The following ADAM18 variants were observed in gnomAD, a reference collection of about 807,000 sequenced individuals.
The protein encoded by ADAM18 is disintegrin and metalloproteinase domain-containing protein 18.
Under a neutral mutation model 94.4 loss-of-function variants are expected in ADAM18, and 117 were observed. The observed-to-expected ratio is 1.24, with a 90% confidence interval of 1.07 to 1.45. The LOEUF (loss-of-function observed/expected upper bound fraction) is 1.45, where lower values mean the gene tolerates loss of function less well. Among genes scored for constraint, ADAM18 ranks in the 40% most tolerant of loss-of-function variants. ADAM18 has a pLI of 0.00. For synonymous variants in ADAM18, 327 were observed against 291.6 expected (o/e 1.12, Z -1.24); for missense variants, 936 against 880.0 (o/e 1.06, Z -0.81).
Position 39,673,866 on chromosome 8 carries a change from T to C in ADAM18, c.1526-3565T>C, listed in dbSNP as rs1821224935. On this transcript the variant is annotated intron_variant, in intron 14 of 19. Transcript: ENST00000265707. ...TCAAAGAACATCTTTATTTCTGCCT[T>C]CATTTTGTTATTTACCCAGTAGTCA... Among the ~76,000 whole-genome samples, 4 of 152,336 alleles carry C rather than the reference T, an allele frequency of 2.6e-5. No individual in the cohort carries two copies. The South Asian group carries it at 8.3e-4, about 32-fold the overall frequency.
At chr8:39,622,139 CTTTTAT>C (rs1819633141) in intron 6 of ADAM18, among the ~76,000 whole-genome samples, 1 of 151,828 alleles carries the variant, frequency 6.6e-6, no homozygotes, top group African/African-American at 2.4e-5. Flanking sequence ...TAATTTCCAA[CTTTTAT>C]TTTTAACTAC....
rs1214707726 is a variant in ADAM18 at position 39,654,049 on chromosome 8, A to T, written c.1230+5522A>T. ...AGATCCACTTTATATGCTTCCACAC[A>T]TGATTGAGAACATGTGATATTTGCC... On this transcript the variant is annotated intron_variant, in intron 12 of 19. Coordinates refer to ENST00000265707, the MANE Select transcript of ADAM18 (RefSeq NM_014237.3). Among the ~76,000 whole-genome samples the T allele has an allele frequency of 4.0e-5, 6 of 150,102 alleles. No homozygotes were observed. In the South Asian group the frequency reaches 1.2e-3, roughly 31 times the overall value.
rs544054266 is a variant in ADAM18, at chr8:39,637,443, C to A, written c.661-94C>A. Reference sequence around the variant, plus strand: ...TTAAATACTTTTTATTAGTTTAATACTGAAAATACTGGAACATGTTGTTTA... The same window carrying A: ...TTAAATACTTTTTATTAGTTTAATAATGAAAATACTGGAACATGTTGTTTA... On this transcript the variant is annotated intron_variant, in intron 8 of 19. Transcript: ENST00000265707. The A allele has an allele frequency of 2.0e-5, 28 of 1,393,822 alleles. 1 individual carries two copies. The South Asian group carries it at 3.8e-4, about 19-fold the overall frequency. The allele number at this position is 1,393,822 out of a possible 1,614,324, so 86.3% of individuals were successfully genotyped here. A position where few individuals can be genotyped will look rare whatever the true frequency, so the allele number is the denominator to read the frequency against.
At chr8:39,695,917 A>G (rs1267856485) in intron 17 of ADAM18, among the ~76,000 whole-genome samples, 1 of 151,400 alleles carries the variant, frequency 6.6e-6, no homozygotes, top group African/African-American at 2.4e-5. Context: ...CATTTCAATT[A>G]TTCTGGGTAT....
At position 39,609,598 on chromosome 8, in the gene ADAM18, C is replaced by A. The variant is rs376817062; in HGVS notation, c.344+37C>A. Reference sequence around the variant, plus strand: ...TTATAAGAAATCTATAGATGGAGAACTTAAGATAGTCTTTAAAACAAAACT... The same window carrying A: ...TTATAAGAAATCTATAGATGGAGAAATTAAGATAGTCTTTAAAACAAAACT... On this transcript the variant is annotated intron_variant, in intron 5 of 19. Coordinates refer to ENST00000265707, the MANE Select transcript of ADAM18 (RefSeq NM_014237.3). 26 of 1,445,856 alleles carry A rather than the reference C, an allele frequency of 1.8e-5. No individual in the cohort carries two copies. The African/African-American group carries it at 3.6e-4, about 20-fold the overall frequency. The allele number at this position is 1,445,856 out of a possible 1,614,324, so 89.6% of individuals were successfully genotyped here. A position where few individuals can be genotyped will look rare whatever the true frequency, so the allele number is the denominator to read the frequency against.
intron 7 of ADAM18, among the ~76,000 whole-genome samples, chr8:39,629,940 T>G (rs1457642846): frequency 1.3e-5 from 2 of 151,964 alleles, no homozygotes; most frequent in Non-Finnish European, 2.9e-5. Context: ...TAACTCCTAA[T>G]GGGCCATCCT....
chr8:39,686,465 A>G (rs1821607758), intron 16 of ADAM18, among the ~76,000 whole-genome samples: 1 of 152,172 alleles, frequency 6.6e-6, no homozygotes, highest in Non-Finnish European at 1.5e-5. Context: ...AACCTCTTTT[A>G]TTAAGGCGCT....
chr8:39,584,724 G>A, intron 1 of ADAM18, 47 bp downstream of exon 1: 1 of 1,597,628 alleles, frequency 6.3e-7, no homozygotes. Flanking sequence ...TTATAGCTGG[G>A]CTGGGCTCTT....
chr8:39,692,656 C>T lies in ADAM18; in HGVS notation c.1878C>T (p.Ala626=). Residue 626 remains alanine, a synonymous_variant, in exon 17 of 20, where the codon GCC becomes GCT. Coordinates refer to ENST00000265707, the MANE Select transcript of ADAM18 (RefSeq NM_014237.3). ...ATTTAATGGGATATAACTGTAATGC[C>T]ACCACAAAATGCAAAGGGAAAGGGG... The part of the protein sequence containing the change: ...KVHLMGYNCN[A]TTKCKGKGIC... 1 of 1,604,122 alleles carries T rather than the reference C, an allele frequency of 6.2e-7. No individual in the cohort carries two copies. The highest frequency in any genetic ancestry group is 8.5e-7 in the Non-Finnish European group (1 of 1,174,294).
chr8:39,694,080 C>T (rs954107882), intron 17 of ADAM18, among the ~76,000 whole-genome samples: 5 of 151,138 alleles, frequency 3.3e-5, no homozygotes, highest in Admixed American at 6.6e-5. Flanking sequence ...GTAATCTAAG[C>T]ATCAGTATAA....
At chr8:39,598,934 C>T (rs540619068) in intron 2 of ADAM18, among the ~76,000 whole-genome samples, 8 of 152,166 alleles carry the variant, frequency 5.3e-5, no homozygotes, top group African/African-American at 1.9e-4. Flanking sequence ...GCCCCAGCCT[C>T]CTGAGTAGCT....
rs182640629 is a variant in ADAM18, at chr8:39,616,194, A to G, written c.522+5488A>G. 6.3e-3 allele frequency among the ~76,000 whole-genome samples: 956 copies of G among 152,230 alleles called. 9 individuals carry two copies. Among genetic ancestry groups the G allele is most frequent in the Non-Finnish European group, 0.01 (694 of 68,008 alleles). The stretch of plus-strand genomic sequence containing the variant: ...TGAGGCAGGCAGATGATCTGTTGTC[A>G]GGAGTTTGAGACCAGCCTGGCCAAC... On this transcript the variant is annotated intron_variant, in intron 6 of 19. Transcript: ENST00000265707.
intron 19 of ADAM18, among the ~76,000 whole-genome samples, chr8:39,726,586 G>A (rs551155294): frequency 4.8e-4 from 73 of 151,920 alleles, no homozygotes; most frequent in African/African-American, 1.4e-3. Flanking sequence ...TGCTTCTATC[G>A]CATGTGCTTT....
At chr8:39,703,611 G>A (rs183799445) in intron 17 of ADAM18, among the ~76,000 whole-genome samples, 4 of 151,862 alleles carry the variant, frequency 2.6e-5, no homozygotes, top group South Asian at 2.1e-4. Flanking sequence ...TGATGTTAGC[G>A]GTGGTTTTGT....
intron 18 of ADAM18, among the ~76,000 whole-genome samples, chr8:39,715,391 T>G (rs967854187): frequency 3.3e-5 from 5 of 151,574 alleles, no homozygotes; most frequent in African/African-American, 1.2e-4. Flanking sequence ...ATTTAAGCTT[T>G]CACCTTAGCA....
At chr8:39,612,698 T>G (rs543272854) in intron 6 of ADAM18, among the ~76,000 whole-genome samples, 1 of 152,286 alleles carries the variant, frequency 6.6e-6, no homozygotes, top group Admixed American at 6.5e-5. Flanking sequence ...TTGAGCACCC[T>G]ACTGTCTGAC....
At chr8:39,719,420 A>G (rs1378472053) in intron 18 of ADAM18, among the ~76,000 whole-genome samples, 1 of 151,382 alleles carries the variant, frequency 6.6e-6, no homozygotes, top group Non-Finnish European at 1.5e-5. Context: ...CAGATTTTGT[A>G]GATATGACAC....
At chr8:39,590,136 G>A (rs958184824) in intron 2 of ADAM18, among the ~76,000 whole-genome samples, 3 of 151,600 alleles carry the variant, frequency 2.0e-5, no homozygotes, top group Non-Finnish European at 2.9e-5. Context: ...ACATGCACAC[G>A]TATGTTTATT....
At chr8:39,698,848 A>G (rs1295142955) in intron 17 of ADAM18, among the ~76,000 whole-genome samples, 1 of 152,060 alleles carries the variant, frequency 6.6e-6, no homozygotes, top group Non-Finnish European at 1.5e-5. Context: ...TCAATGGTGT[A>G]AGTATCTAAA....
Sources: allele counts gnomAD v4.1 joint callset (sites outside exome capture counted in the v4.1 genomes callset), GRCh38; gene constraint gnomAD v4.1.1; transcripts MANE v1.5; gene names NCBI Gene and HGNC (gene_info 2026-07-23, HGNC 2026-07-21).